TMEM108: variants seen among roughly 807,000 people sequenced by gnomAD.
TMEM108 encodes transmembrane protein 108.
TMEM108 carries 12 observed loss-of-function variants against 35.1 expected under a neutral mutation model. The ratio of observed to expected loss-of-function variants is 0.34; its 90% confidence interval spans 0.22 to 0.55. The LOEUF (loss-of-function observed/expected upper bound fraction) is 0.55, where lower values mean the gene tolerates loss of function less well. TMEM108 is among the 20% of genes least tolerant of loss of function. The pLI, the probability that TMEM108 is intolerant of heterozygous loss-of-function variation, is 0.89. For synonymous variants in TMEM108, 287 were observed against 308.6 expected, an observed-to-expected ratio of 0.93 and a Z score of 0.73; for missense variants, 680 against 753.3, an observed-to-expected ratio of 0.90 and a Z score of 1.14.
At chr3:133,171,993 T>C (rs1945137111) in intron 2 of TMEM108, among the ~76,000 whole-genome samples, 1 of 152,236 alleles carries the variant, frequency 6.6e-6, no homozygotes, top group African/African-American at 2.4e-5. Flanking sequence ...CCATGATTTA[T>C]ACATACCTAG....
At chr3:133,074,395 T>G (rs907624304) in intron 2 of TMEM108, 3 of 152,234 alleles carry the variant, frequency 2.0e-5, no homozygotes, top group Non-Finnish European at 4.4e-5. Context: ...TTAATATACC[T>G]AATTTACTGA....
intron 2 of TMEM108, among the ~76,000 whole-genome samples, chr3:133,051,759 T>C (rs1369326978): frequency 1.3e-5 from 2 of 152,186 alleles, no homozygotes; most frequent in African/African-American, 4.8e-5. Context: ...GCATCATTTG[T>C]TGCTTTGTTG....
In TMEM108 at chr3:133,359,753, G is replaced by A. The variant is rs1877583; in HGVS notation, c.41-19999G>A. Among the ~76,000 whole-genome samples, 352 of 152,254 alleles carry A rather than the reference G, an allele frequency of 2.3e-3. 4 individuals are homozygous for A. The highest frequency in any genetic ancestry group is 8.0e-3 in the African/African-American group (333 of 41,534). ...AATTTTTAAACCAAAAGGTAAAATAGTAAAGCACTTGGAAAACAGTTTGGC... is the reference window on the plus strand; with the variant it reads ...AATTTTTAAACCAAAAGGTAAAATAATAAAGCACTTGGAAAACAGTTTGGC... On this transcript the variant is annotated intron_variant, in intron 3 of 5. Coordinates refer to ENST00000321871, the MANE Select transcript of TMEM108 (RefSeq NM_023943.4).
At chr3:133,329,938 C>A (rs889942200) in intron 3 of TMEM108, among the ~76,000 whole-genome samples, 11 of 152,130 alleles carry the variant, frequency 7.2e-5, no homozygotes, top group Non-Finnish European at 1.5e-4. Context: ...CATCAAGAAT[C>A]TTGGTGCTGG....
Position 133,380,246 on chromosome 3 carries a change from T to G in TMEM108, c.535T>G (p.Ser179Ala). ...PGSSRKGAGN[S>A]SRPVPPAPGG... ...CTCTTCCCGAAAAGGGGCTGGTAAT[T>G]CATCACGCCCTGTCCCGCCTGCACC... Residue 179 changes from serine to alanine, a missense_variant, in exon 4 of 6, where the codon TCA becomes GCA. This residue lies in a region of TMEM108 where 526 missense variants were observed against 532.1 expected (regional missense o/e 0.99). Coordinates refer to ENST00000321871, the MANE Select transcript of TMEM108 (RefSeq NM_023943.4). The surrounding 1 kb of genome is among the most constrained non-coding windows in gnomAD (Gnocchi z 5.3). The G allele has an allele frequency of 6.2e-7, 1 of 1,613,550 alleles. No individual in the cohort carries two copies. Among genetic ancestry groups the G allele is most frequent in the Non-Finnish European group, 8.5e-7 (1 of 1,179,820 alleles).
intron 2 of TMEM108, among the ~76,000 whole-genome samples, chr3:133,170,023 A>G (rs910466144): frequency 2.6e-5 from 4 of 152,172 alleles, no homozygotes; most frequent in African/African-American, 9.7e-5. Context: ...GTTAACAGAG[A>G]GATAAGGAGA....
chr3:133,370,919 T>TGC (rs1553770118), intron 3 of TMEM108, among the ~76,000 whole-genome samples: 13 of 136,790 alleles, frequency 9.5e-5, no homozygotes, highest in East Asian at 6.8e-4. Flanking sequence ...TGTGTGTGTG[T>TGC]GTGCCAGGAA....
intron 2 of TMEM108, among the ~76,000 whole-genome samples, chr3:133,051,935 C>G (rs958235743): frequency 3.3e-5 from 5 of 152,136 alleles, no homozygotes; most frequent in Non-Finnish European, 7.4e-5. Flanking sequence ...TAGTGTCAGT[C>G]TTTCAACTCA....
intron 3 of TMEM108, among the ~76,000 whole-genome samples, chr3:133,244,719 G>A (rs531265616): frequency 2.6e-5 from 4 of 152,294 alleles, no homozygotes; most frequent in South Asian, 2.1e-4. Flanking sequence ...CAAATTTCCC[G>A]AAGTTCAAGG....
At chr3:133,119,024 C>G (rs1219935738) in intron 2 of TMEM108, 1 of 152,134 alleles carries the variant, frequency 6.6e-6, no homozygotes, top group African/African-American at 2.4e-5. Flanking sequence ...TGTTTGTTAA[C>G]ATTTTTTTTG....
At chr3:133,161,919 G>T (rs1028971742) in intron 2 of TMEM108, among the ~76,000 whole-genome samples, 2 of 152,134 alleles carry the variant, frequency 1.3e-5, no homozygotes, top group African/African-American at 4.8e-5. Context: ...TTTGGCCCCA[G>T]TTTCTAAATC....
At chr3:133,304,256 A>G (rs1213270271) in intron 3 of TMEM108, among the ~76,000 whole-genome samples, 1 of 152,208 alleles carries the variant, frequency 6.6e-6, no homozygotes, top group East Asian at 1.9e-4. Context: ...ATTCTGATTC[A>G]GCCATGATCA....
At chr3:133,193,684 A>C (rs1945533847) in intron 2 of TMEM108, among the ~76,000 whole-genome samples, 1 of 152,158 alleles carries the variant, frequency 6.6e-6, no homozygotes, top group African/African-American at 2.4e-5. Context: ...GCTTTTACTT[A>C]CAATTCCAAC....
At chr3:133,145,796 G>C (rs1056847132) in intron 2 of TMEM108, among the ~76,000 whole-genome samples, 6 of 152,174 alleles carry the variant, frequency 3.9e-5, no homozygotes, top group Non-Finnish European at 8.8e-5. Context: ...GAATGCTTGT[G>C]ATTTTTGCAC....
chr3:133,390,383 A>G (rs1227048101), intron 5 of TMEM108, 49 bp downstream of exon 5: 4 of 1,604,514 alleles, frequency 2.5e-6, no homozygotes, highest in Non-Finnish European at 8.5e-7. Flanking sequence ...CCAGGTCCAA[A>G]GAGAGCCATG....
At chr3:133,381,221 G>C in intron 4 of TMEM108, 60 bp downstream of exon 4, 1 of 1,497,978 alleles carries the variant, frequency 6.7e-7, no homozygotes, top group Non-Finnish European at 9.0e-7. Context: ...CTCAACCCCA[G>C]CATTCCTTTG....
rs2073155200 is a variant in TMEM108, at chr3:133,386,665, G to A, written c.1451-3515G>A. 1.2e-5 allele frequency: 17 copies of A among 1,411,474 alleles called. No individual in the cohort carries two copies. The South Asian group carries it at 2.0e-4, about 17-fold the overall frequency. 87.4% of individuals were successfully genotyped at this position (1,411,474 alleles called of 1,614,324 possible). On this transcript the variant is annotated intron_variant, in intron 4 of 5. Coordinates refer to ENST00000321871, the MANE Select transcript of TMEM108 (RefSeq NM_023943.4). ...GATGGCTACTGCCTCAGGAGAAACA[G>A]AGCAGTTGAAGCTTTTCAACTAAAT...
intron 2 of TMEM108, among the ~76,000 whole-genome samples, chr3:133,227,148 T>A (rs1185167844): frequency 6.6e-6 from 1 of 151,320 alleles, no homozygotes; most frequent in Non-Finnish European, 1.5e-5. Context: ...GAAGAAAATA[T>A]GCGCAAGTAT....
intron 4 of TMEM108, chr3:133,387,692 C>G: frequency 6.3e-6 from 4 of 632,942 alleles, no homozygotes; most frequent in Non-Finnish European, 7.9e-6. Context: ...TCAGCACCTA[C>G]TGTGCACCAG....
Sources: gnomAD v4.1 joint callset for allele counts (sites outside exome capture counted in the v4.1 genomes callset) on GRCh38, gnomAD v4.1.1 for gene constraint, gnomAD v4.1.1 regional missense constraint, Gnocchi (gnomAD v3.1) non-coding constraint, MANE v1.5 for transcripts, NCBI Gene and HGNC (gene_info 2026-07-23, HGNC 2026-07-21) for gene names.